Variants in ZNF365 observed in about 807,000 individuals in gnomAD.
The protein encoded by ZNF365 is zinc finger protein 365, also known as protein ZNF365.
ZNF365 carries 22 observed loss-of-function variants against 35.0 expected under a neutral mutation model. The observed-to-expected ratio is 0.63, with a 90% CI of 0.45 to 0.90. The LOEUF is 0.90. Among genes scored for constraint, ZNF365 ranks in the 40% least tolerant of loss-of-function variants. The probability of loss-of-function intolerance (pLI) is 0.00; values close to 1 mark genes in which losing one functional copy is unlikely to be tolerated. For synonymous variants in ZNF365, 188 were observed against 196.2 expected (o/e 0.96, Z 0.35); for missense variants, 448 against 500.3 (o/e 0.90, Z 1.00).
chr10:62,462,724 C>T (rs911910709), intron 4 of ZNF365, among the ~76,000 whole-genome samples: 1 of 152,176 alleles, frequency 6.6e-6, no homozygotes, highest in Non-Finnish European at 1.5e-5. Context: ...GATTAAATTT[C>T]CTGCCAGCTT....
intron 3 of ZNF365, among the ~76,000 whole-genome samples, chr10:62,391,013 ACTACTGTAGACTTT>A (rs562811507): frequency 6.6e-6 from 1 of 152,194 alleles, no homozygotes; most frequent in African/African-American, 2.4e-5. Context: ...ATTACTGTAC[ACTACTGTAGACTTT>A]ATGAACACTG....
In ZNF365 at chr10:62,388,573, C is replaced by A. The variant is rs1256438158; in HGVS notation, c.921C>A (p.His307Gln). 3.1e-6 allele frequency: 5 copies of A among 1,613,508 alleles called. No homozygotes were observed. Among genetic ancestry groups the A allele is most frequent in the Middle Eastern group, 1.7e-4 (1 of 5,882 alleles). ...ASGFVRDLSG[H>Q]VLTDISSNRK... is the part of the protein sequence containing the mutation. ...GCTTTGTCCGTGATCTCAGCGGGCA[C>A]GTGGTGAGTCACCCCGGGCCAGCCA... Residue 307 changes from histidine to glutamine, a missense_variant, in exon 3 of 5, where the codon CAC becomes CAA. Physicochemically the swap from His to Gln is conservative, Grantham distance 24 (BLOSUM62 0). This residue lies in a region of ZNF365 where 362 missense variants were observed against 375.7 expected (regional missense o/e 0.96). Transcript: ENST00000395254.
chr10:62,387,887 T>C (rs1270136091), intron 2 of ZNF365, among the ~76,000 whole-genome samples: 1 of 152,022 alleles, frequency 6.6e-6, no homozygotes, highest in African/African-American at 2.4e-5. Flanking sequence ...CATCCAATGG[T>C]TTCCCATCTC....
At chr10:62,443,629 A>T (rs1840537788) in intron 3 of ZNF365, among the ~76,000 whole-genome samples, 1 of 152,172 alleles carries the variant, frequency 6.6e-6, no homozygotes, top group African/African-American at 2.4e-5. Context: ...ACCAGAAAAT[A>T]AATGTGATTG....
intron 3 of ZNF365, among the ~76,000 whole-genome samples, chr10:62,418,686 T>C (rs1840118428): frequency 6.6e-6 from 1 of 152,120 alleles, no homozygotes; most frequent in Non-Finnish European, 1.5e-5. Flanking sequence ...GCTATTTTTA[T>C]TAAAGTCTGT....
At chr10:62,455,785 G>A (rs1028970221) in intron 3 of ZNF365, among the ~76,000 whole-genome samples, 2 of 152,260 alleles carry the variant, frequency 1.3e-5, no homozygotes, top group East Asian at 1.9e-4. Flanking sequence ...AGAAAGGTCT[G>A]CATGTATTCT....
intron 3 of ZNF365, among the ~76,000 whole-genome samples, chr10:62,458,467 A>AAC (rs3999114): frequency 0.054 from 8,027 of 148,186 alleles, 265 homozygotes; most frequent in African/African-American, 0.11. Flanking sequence ...CACCATCTTG[A>AAC]ACACACACAC....
chr10:62,376,768 C>T lies in ZNF365; in HGVS notation c.575C>T (p.Ala192Val), dbSNP rs142196197. 14 of 1,614,060 alleles carry T rather than the reference C, an allele frequency of 8.7e-6. No individual in the cohort carries two copies. Among genetic ancestry groups the T allele is most frequent in the African/African-American group, 1.3e-5 (1 of 74,914 alleles). Residue 192 changes from alanine to valine, a missense_variant, in exon 2 of 5, where the codon GCG (alanine) becomes GTG (valine). Ala to Val is a moderately conservative substitution (Grantham distance 64). Around this residue, in one of 3 missense-constraint regions of ZNF365, gnomAD observed 362 missense variants for 375.7 expected, o/e 0.96. Transcript: ENST00000395254. Reference sequence around the variant, plus strand: ...ACCAAAGAGTTGGCCCAGAAAACTGCGGAACTGTTGGAAGTTCGGGCAGCT... The same window carrying T: ...ACCAAAGAGTTGGCCCAGAAAACTGTGGAACTGTTGGAAGTTCGGGCAGCT... ...KLTKELAQKT[A>V]ELLEVRAAFV...
chr10:62,385,902 CT>C (rs879588512), intron 2 of ZNF365, among the ~76,000 whole-genome samples: 90 of 148,794 alleles, frequency 6.0e-4, no homozygotes, highest in African/African-American at 1.6e-3. Flanking sequence ...AAAAATGGTA[CT>C]TTTTTTTTTA....
At chr10:62,375,924 C>G in intron 1 of ZNF365, 1 of 424,946 alleles carries the variant, frequency 2.4e-6, no homozygotes, top group African/African-American at 2.0e-5. Flanking sequence ...AGCATAGAGT[C>G]TCTGTCTCAG....
At chr10:62,431,951 G>A (rs1840341092) in intron 3 of ZNF365, among the ~76,000 whole-genome samples, 1 of 152,090 alleles carries the variant, frequency 6.6e-6, no homozygotes, top group African/African-American at 2.4e-5. Context: ...GGTATTGAAA[G>A]AAGAATGAGA....
At chr10:62,381,062 T>C (rs1839431097) in intron 2 of ZNF365, among the ~76,000 whole-genome samples, 1 of 152,132 alleles carries the variant, frequency 6.6e-6, no homozygotes, top group Non-Finnish European at 1.5e-5. Context: ...TAAGGGATAC[T>C]CAGGAACATG....
At chr10:62,466,022 G>A (rs1360474638) in intron 4 of ZNF365, among the ~76,000 whole-genome samples, 1 of 152,204 alleles carries the variant, frequency 6.6e-6, no homozygotes, top group African/African-American at 2.4e-5. Flanking sequence ...GTGGACCTGA[G>A]TGGGGCAGTG....
chr10:62,469,249 C>T (rs759707507), intron 4 of ZNF365, among the ~76,000 whole-genome samples: 1 of 152,206 alleles, frequency 6.6e-6, no homozygotes, highest in African/African-American at 2.4e-5. Flanking sequence ...GAGTCCCTCT[C>T]CACCATGACA....
intron 3 of ZNF365, among the ~76,000 whole-genome samples, chr10:62,442,997 G>A (rs1840526734): frequency 6.6e-6 from 1 of 152,158 alleles, no homozygotes; most frequent in African/African-American, 2.4e-5. Flanking sequence ...GTCGCATACA[G>A]GGATGCACTC....
chr10:62,433,181 G>A (rs1224146192), intron 3 of ZNF365, among the ~76,000 whole-genome samples: 1 of 152,120 alleles, frequency 6.6e-6, no homozygotes, highest in Non-Finnish European at 1.5e-5. Context: ...TAAAGGAAAG[G>A]CTACAATAAC....
intron 4 of ZNF365, among the ~76,000 whole-genome samples, chr10:62,464,580 A>C (rs2132484179): frequency 6.6e-6 from 1 of 152,360 alleles, no homozygotes; most frequent in South Asian, 2.1e-4. Flanking sequence ...CCTCTAACAG[A>C]ATCTGCACAT....
intron 3 of ZNF365, among the ~76,000 whole-genome samples, chr10:62,452,032 C>T (rs1179165903): frequency 6.6e-6 from 1 of 152,192 alleles, no homozygotes; most frequent in African/African-American, 2.4e-5. Context: ...CCTATATTAC[C>T]AGTGCAGAAA....
downstream of ZNF365, among the ~76,000 whole-genome samples, chr10:62,407,180 A>G (rs1033007353): frequency 2.0e-5 from 3 of 152,274 alleles, no homozygotes; most frequent in East Asian, 1.9e-4. Flanking sequence ...GAGGGGAGAA[A>G]CAAAAATAAA....
Sources: allele counts gnomAD v4.1 joint callset (sites outside exome capture counted in the v4.1 genomes callset), GRCh38; gene constraint gnomAD v4.1.1; regional missense constraint gnomAD v4.1.1; transcripts MANE v1.5; gene names NCBI Gene and HGNC (gene_info 2026-07-23, HGNC 2026-07-21).